Variants in ATG7 observed in about 807,000 individuals in gnomAD.
The protein encoded by ATG7 is autophagy related 7, also known as ubiquitin-like modifier-activating enzyme ATG7.
ATG7 carries 70 observed loss-of-function variants against 82.4 expected under a neutral mutation model. That is an observed-to-expected ratio of 0.85 (90% CI 0.70 to 1.04). The LOEUF (loss-of-function observed/expected upper bound fraction) is 1.04. ATG7 is among the 50% of genes least tolerant of loss of function. The pLI is 0.00. For synonymous variants in ATG7, 287 were observed against 313.0 expected (o/e 0.92, Z 0.88); for missense variants, 792 against 864.3 (o/e 0.92, Z 1.05).
At chr3:11,512,708 G>C (rs1291504995) in intron 20 of ATG7, among the ~76,000 whole-genome samples, 1 of 152,200 alleles carries the variant, frequency 6.6e-6, no homozygotes, top group African/African-American at 2.4e-5. Flanking sequence ...GACCCAAAGA[G>C]TGAGCAGTAG....
In ATG7 at chr3:11,318,894, C is replaced by T. The variant is rs557146504; in HGVS notation, c.678+3401C>T. ...CCAGGAAGCACTGGCTGATTGCTTG[C>T]GCCATTTCATTTCTCTCTTCTGTGT... On this transcript the variant is annotated intron_variant, in intron 9 of 20. Coordinates refer to ENST00000693202, the MANE Select transcript of ATG7 (RefSeq NM_001349232.2). 6.1e-4 allele frequency among the ~76,000 whole-genome samples: 93 copies of T among 152,330 alleles called. 3 individuals are homozygous for T. In the South Asian group the frequency reaches 0.017, roughly 28 times the overall value.
At chr3:11,279,378 A>G (rs565531084) in intron 1 of ATG7, among the ~76,000 whole-genome samples, 4 of 152,230 alleles carry the variant, frequency 2.6e-5, no homozygotes, top group Non-Finnish European at 4.4e-5. Context: ...AAGGGTTTCT[A>G]TAGGATATTC....
chr3:11,516,635 T>A (rs1157740111), intron 20 of ATG7, among the ~76,000 whole-genome samples: 3 of 152,232 alleles, frequency 2.0e-5, no homozygotes, highest in Admixed American at 6.5e-5. Context: ...TATAGCAGCT[T>A]TATTCATAAT....
chr3:11,429,133 C>T (rs1014688625), intron 20 of ATG7, among the ~76,000 whole-genome samples: 16 of 152,150 alleles, frequency 1.1e-4, no homozygotes, highest in African/African-American at 3.4e-4. Context: ...GAGCCAGATA[C>T]GGCTTGCAGG....
chr3:11,423,395 G>A (rs2082100031), intron 19 of ATG7, among the ~76,000 whole-genome samples: 1 of 152,196 alleles, frequency 6.6e-6, no homozygotes, highest in South Asian at 2.1e-4. Flanking sequence ...ATGTGACAGA[G>A]ACACGAAGTG....
chr3:11,533,044 T>C (rs1281614588), intron 20 of ATG7, among the ~76,000 whole-genome samples: 1 of 152,154 alleles, frequency 6.6e-6, no homozygotes, highest in East Asian at 1.9e-4. Flanking sequence ...TGAGCGGGAA[T>C]GACTGGAGGA....
intron 20 of ATG7, among the ~76,000 whole-genome samples, chr3:11,475,322 TTAA>T: frequency 6.6e-6 from 1 of 152,134 alleles, no homozygotes; most frequent in African/African-American, 2.4e-5. Context: ...GGGCTTATTA[TTAA>T]TGTCACTTCT....
intron 5 of ATG7, among the ~76,000 whole-genome samples, chr3:11,305,987 T>G (rs1441790431): frequency 6.6e-6 from 1 of 152,222 alleles, no homozygotes; most frequent in African/African-American, 2.4e-5. Context: ...GAAATGAATA[T>G]TTTCATTTAA....
chr3:11,521,907 C>T lies in ATG7; in HGVS notation c.2080-32904C>T, dbSNP rs111550401. ...CTGACATGGAATGACTCTAGACTGC[C>T]GCCGCTGCCGACAACAATAACAAAG... On this transcript the variant is annotated intron_variant, in intron 20 of 20. Coordinates refer to ENST00000693202, the MANE Select transcript of ATG7 (RefSeq NM_001349232.2). Among the ~76,000 whole-genome samples the T allele has an allele frequency of 1.9e-3, 294 of 152,232 alleles. 2 individuals carry two copies. The highest frequency in any genetic ancestry group is 6.3e-3 in the African/African-American group (260 of 41,542).
intron 19 of ATG7, among the ~76,000 whole-genome samples, chr3:11,403,855 G>A (rs920281144): frequency 6.6e-6 from 1 of 152,112 alleles, no homozygotes; most frequent in African/African-American, 2.4e-5. Context: ...GAAACACGCT[G>A]GATTTCCCAA....
intron 11 of ATG7, among the ~76,000 whole-genome samples, chr3:11,335,106 G>GTA (rs1952232238): frequency 6.6e-6 from 1 of 152,028 alleles, no homozygotes; most frequent in South Asian, 2.1e-4. Context: ...GATTGACAGA[G>GTA]TACTTCTGCT....
At chr3:11,454,687 T>C (rs796768869) in intron 20 of ATG7, among the ~76,000 whole-genome samples, 5 of 152,316 alleles carry the variant, frequency 3.3e-5, no homozygotes, top group African/African-American at 1.2e-4. Flanking sequence ...AACCACAAGT[T>C]CTGACTTGTT....
At chr3:11,454,157 G>A (rs2085469511) in intron 20 of ATG7, among the ~76,000 whole-genome samples, 1 of 152,120 alleles carries the variant, frequency 6.6e-6, no homozygotes, top group Admixed American at 6.5e-5. Flanking sequence ...GTATCTGCTG[G>A]TTTTTCTGCC....
At chr3:11,362,973 AGGCAGTTGTTCATCAGTGTCTCCCAT>A in intron 17 of ATG7, 45 bp downstream of exon 17, 1 of 1,545,740 alleles carries the variant, frequency 6.5e-7, no homozygotes, top group Non-Finnish European at 8.8e-7. Flanking sequence ...AAGCTTTTGT[AGGCAGTTGTTCATCAGTGTCTCCCAT>A]GGCCTTTTCT....
At chr3:11,558,528 C>A, downstream of ATG7, 1 of 1,424,686 alleles carries the variant, frequency 7.0e-7, no homozygotes, top group South Asian at 1.1e-5. Flanking sequence ...CCATGCAGAT[C>A]CACGTGTTGT....
intron 20 of ATG7, among the ~76,000 whole-genome samples, chr3:11,441,396 C>T (rs1465390933): frequency 6.6e-6 from 1 of 152,076 alleles, no homozygotes; most frequent in Non-Finnish European, 1.5e-5. Flanking sequence ...TGCATGCCAC[C>T]ACACCCAGTT....
At chr3:11,498,502 T>A (rs1371644460) in intron 20 of ATG7, among the ~76,000 whole-genome samples, 1 of 152,168 alleles carries the variant, frequency 6.6e-6, no homozygotes, top group Non-Finnish European at 1.5e-5. Context: ...ATTCCTCCAA[T>A]CCATCCACCA....
intron 20 of ATG7, among the ~76,000 whole-genome samples, chr3:11,551,789 C>A (rs140694847): frequency 0.016 from 2,418 of 151,938 alleles, 64 homozygotes; most frequent in African/African-American, 0.055. Flanking sequence ...CACCCTGTCG[C>A]CCAGGCTGGA....
intron 20 of ATG7, among the ~76,000 whole-genome samples, chr3:11,500,894 G>A (rs2091271678): frequency 6.6e-6 from 1 of 152,222 alleles, no homozygotes; most frequent in Non-Finnish European, 1.5e-5. Context: ...CTCCCAAAGT[G>A]CTGGGATTAC....
Sources: gnomAD v4.1 joint callset for allele counts (sites outside exome capture counted in the v4.1 genomes callset) on GRCh38, gnomAD v4.1.1 for gene constraint, MANE v1.5 for transcripts, NCBI Gene and HGNC (gene_info 2026-07-23, HGNC 2026-07-21) for gene names.